The following ETFDH variants were observed in gnomAD, a reference collection of about 807,000 sequenced individuals.
The protein encoded by ETFDH is electron transfer flavoprotein-ubiquinone oxidoreductase, mitochondrial.
Under a neutral mutation model 73.2 loss-of-function variants are expected in ETFDH, and 61 were observed. The observed-to-expected ratio is 0.83, with a 90% confidence interval of 0.68 to 1.03. ETFDH has a LOEUF of 1.03. Ranked by LOEUF, ETFDH falls within the 50% of genes least tolerant of loss-of-function variation. The pLI, the probability that ETFDH is intolerant of heterozygous loss-of-function variation, is 0.00. For synonymous variants in ETFDH, 243 were observed against 253.3 expected (o/e 0.96, Z 0.39); for missense variants, 685 against 745.0 (o/e 0.92, Z 0.94).
At chr4:158,685,002 T>C (rs753002100) in intron 4 of ETFDH, 99 bp from the exon 5 acceptor site, 40 of 764,738 alleles carry the variant, frequency 5.2e-5, no homozygotes, top group African/African-American at 1.9e-4. Flanking sequence ...GTAGCACTTA[T>C]GTAGAAATAC....
At chr4:158,692,884 A>T (rs1234816003) in intron 6 of ETFDH, among the ~76,000 whole-genome samples, 28 of 92,712 alleles carry the variant, frequency 3.0e-4, no homozygotes, top group African/African-American at 8.7e-4. Context: ...ATTAAAAAAA[A>T]AAAAACATAT....
chr4:158,693,695 G>A (rs1580409878), intron 6 of ETFDH, among the ~76,000 whole-genome samples: 1 of 152,034 alleles, frequency 6.6e-6, no homozygotes, highest in East Asian at 1.9e-4. Flanking sequence ...TTGGTGTAGG[G>A]TAAGCCACCC....
At position 158,685,173 on chromosome 4, in the gene ETFDH, C is replaced by G. The variant is rs369912835; in HGVS notation, c.560C>G (p.Ala187Gly). ...TTAGTGAGCTGGATGGGCGAACAAG[C>G]AGAAGCCCTTGGTGTTGAAGTATAC... ...GHLVSWMGEQ[A>G]EALGVEVYPG... Residue 187 changes from alanine (A) to glycine (G), a missense_variant, in exon 5 of 13, where the codon GCA (alanine) becomes GGA (glycine). This residue lies in a region of ETFDH where 405 missense variants were observed against 399.3 expected (regional missense o/e 1.01). Transcript: ENST00000511912. 1.2e-6 allele frequency: 2 copies of G among 1,612,362 alleles called. No individual in the cohort carries two copies. Among genetic ancestry groups the G allele is most frequent in the Admixed American group, 1.7e-5 (1 of 59,974 alleles).
intron 5 of ETFDH, among the ~76,000 whole-genome samples, chr4:158,687,230 T>G (rs1774028378): frequency 6.6e-6 from 1 of 152,180 alleles, no homozygotes. Context: ...ATTGTTTGCT[T>G]CTTTGGTAGG....
chr4:158,689,543 A>G (rs1774100105), intron 5 of ETFDH, among the ~76,000 whole-genome samples: 4 of 143,506 alleles, frequency 2.8e-5, no homozygotes, highest in South Asian at 4.5e-4. Context: ...TTTAGTCTGT[A>G]GCCATATTCT....
intron 5 of ETFDH, among the ~76,000 whole-genome samples, chr4:158,687,436 T>C (rs1774034354): frequency 1.3e-5 from 2 of 152,184 alleles, no homozygotes; most frequent in South Asian, 4.1e-4. Context: ...GCCAGGGACA[T>C]ACTTTTTAGG....
chr4:158,701,020 C>G (rs1774449267), intron 9 of ETFDH: 1 of 152,162 alleles, frequency 6.6e-6, no homozygotes, highest in Non-Finnish European at 1.5e-5. Flanking sequence ...GCTGACTATA[C>G]CAAAAATCAT....
In ETFDH at chr4:158,695,558, A is replaced by G. The variant is rs1774286416; in HGVS notation, c.746A>G (p.His249Arg). ...AKVTIFAEGC[H>R]GHLAKQLYKK... Reference sequence around the variant, plus strand: ...GTCACAATTTTTGCAGAAGGTTGCCATGGACATCTAGCCAAGCAACTATAT... The same window carrying G: ...GTCACAATTTTTGCAGAAGGTTGCCGTGGACATCTAGCCAAGCAACTATAT... The change falls in exon 7 of 13, where the codon CAT becomes CGT. Residue 249 changes from histidine (H) to arginine (R), a missense_variant. By Grantham distance (29) the His-to-Arg change is conservative. Transcript: ENST00000511912. The G allele has an allele frequency of 3.1e-6, 5 of 1,612,422 alleles. No homozygotes were observed. Among genetic ancestry groups the G allele is most frequent in the Non-Finnish European group, 4.2e-6 (5 of 1,178,562 alleles).
At chr4:158,708,340 A>ATAT (rs1561252629) in intron 12 of ETFDH, 24 bp from the exon 13 acceptor site, 13 of 1,584,728 alleles carry the variant, frequency 8.2e-6, no homozygotes, top group African/African-American at 1.3e-5. Context: ...AGGCACTTCA[A>ATAT]TATTATTTAT....
chr4:158,697,372 G>A (rs1263212933), intron 7 of ETFDH, among the ~76,000 whole-genome samples, 187 bp from the exon 8 acceptor site: 1 of 152,164 alleles, frequency 6.6e-6, no homozygotes, highest in Non-Finnish European at 1.5e-5. Flanking sequence ...TAGGATTGCA[G>A]GCGTGAGCCA....
intron 1 of ETFDH, among the ~76,000 whole-genome samples, chr4:158,676,134 A>G (rs564563970): frequency 6.6e-6 from 1 of 152,328 alleles, no homozygotes; most frequent in African/African-American, 2.4e-5. Flanking sequence ...TACTCAAATC[A>G]GTCTCCCCGA....
chr4:158,703,316 T>G (rs1294969042), intron 9 of ETFDH, 107 bp from the exon 10 acceptor site: 2 of 806,862 alleles, frequency 2.5e-6, no homozygotes, highest in African/African-American at 3.4e-5. Flanking sequence ...TATTTATTTT[T>G]CAGCCTTTCC....
At chr4:158,693,913 G>C (rs6852133) in intron 6 of ETFDH, among the ~76,000 whole-genome samples, 1 of 152,182 alleles carries the variant, frequency 6.6e-6, no homozygotes. Flanking sequence ...TTAACAATTC[G>C]TAGAAGAACA....
intron 1 of ETFDH, among the ~76,000 whole-genome samples, chr4:158,673,328 C>G (rs1773628730): frequency 6.6e-6 from 1 of 152,106 alleles, no homozygotes; most frequent in South Asian, 2.1e-4. Flanking sequence ...TAAATTAACT[C>G]TAAGGGCTTT....
In ETFDH at chr4:158,680,554, G is replaced by C; in HGVS notation, c.122G>C (p.Arg41Pro). Residue 41 changes from arginine to proline, a missense_variant, in exon 2 of 13, where the codon CGA becomes CCA. Arg to Pro is a moderately radical substitution (Grantham distance 103). This residue lies in a region of ETFDH where 405 missense variants were observed against 399.3 expected (regional missense o/e 1.01). Transcript: ENST00000511912. ...TGGTCTTCAACTTCTACTGTGCCTCGAATTACTACCCATTATACTATTTAT... is the reference window on the plus strand; with the variant it reads ...TGGTCTTCAACTTCTACTGTGCCTCCAATTACTACCCATTATACTATTTAT... ...TRWSSTSTVPRITTHYTIYPR... is the reference protein window; with the variant it reads ...TRWSSTSTVPPITTHYTIYPR... The C allele has an allele frequency of 6.2e-7, 1 of 1,607,712 alleles. No individual in the cohort carries two copies. Among genetic ancestry groups the C allele is most frequent in the African/African-American group, 1.3e-5 (1 of 74,914 alleles).
At position 158,691,781 on chromosome 4, in the gene ETFDH, A is replaced by C. The variant is rs139128488; in HGVS notation, c.684+1356A>C. Reference sequence around the variant, plus strand: ...TGAAAGCAAAACCGTTAGAACATAGAATTCTCACTCTTTGGAAAAGATAAG... The same window carrying C: ...TGAAAGCAAAACCGTTAGAACATAGCATTCTCACTCTTTGGAAAAGATAAG... On this transcript the variant is annotated intron_variant, in intron 6 of 12. Coordinates refer to ENST00000511912, the MANE Select transcript of ETFDH (RefSeq NM_004453.4). 1.2e-4 allele frequency among the ~76,000 whole-genome samples: 19 copies of C among 152,346 alleles called. No homozygotes were observed. The East Asian group carries it at 3.7e-3, about 29-fold the overall frequency.
intron 7 of ETFDH, among the ~76,000 whole-genome samples, chr4:158,696,288 T>G (rs553653752): frequency 1.3e-5 from 2 of 152,166 alleles, no homozygotes; most frequent in Non-Finnish European, 2.9e-5. Flanking sequence ...AGATGATTGC[T>G]TGGGTCCAGG....
In ETFDH at chr4:158,682,190, C is replaced by G; in HGVS notation, c.176-5C>G. 6.2e-7 allele frequency: 1 copy of G among 1,613,630 alleles called. No homozygotes were observed. The highest frequency in any genetic ancestry group is 8.5e-7 in the Non-Finnish European group (1 of 1,179,590). On this transcript the variant is annotated splice_region_variant and splice_polypyrimidine_tract_variant and intron_variant, in intron 2 of 12. Coordinates refer to ENST00000511912, the MANE Select transcript of ETFDH (RefSeq NM_004453.4). ...TATTAATCCCAGAATTTTTATTTCT[C>G]CCAGGAGTGAACATGGAAAGGTTTG...
At chr4:158,698,866 C>G in intron 8 of ETFDH, 121 bp from the exon 9 acceptor site, 1 of 705,118 alleles carries the variant, frequency 1.4e-6, no homozygotes, top group South Asian at 1.8e-5. Context: ...ACATAGTGCT[C>G]CAAATACTTT....
Sources: gnomAD v4.1 joint callset for allele counts (sites outside exome capture counted in the v4.1 genomes callset) on GRCh38, gnomAD v4.1.1 for gene constraint, gnomAD v4.1.1 regional missense constraint, MANE v1.5 for transcripts, NCBI Gene and HGNC (gene_info 2026-07-23, HGNC 2026-07-21) for gene names.